The following IFT122 variants were observed in gnomAD, a reference collection of about 807,000 sequenced individuals.
IFT122 encodes intraflagellar transport 122, also known as intraflagellar transport protein 122 homolog.
In IFT122, 118 loss-of-function variants were observed where a neutral mutation model predicts 161.6. The observed-to-expected ratio is 0.73, with a 90% CI of 0.63 to 0.85. The LOEUF is 0.85. Ranked by LOEUF, IFT122 falls within the 40% of genes least tolerant of loss-of-function variation. The pLI, the probability that IFT122 is intolerant of heterozygous loss-of-function variation, is 0.00. For missense variants in IFT122, 1,381 were observed against 1,579.6 expected, an observed-to-expected ratio of 0.87 and a Z score of 2.13; for synonymous variants, 550 against 602.4, an observed-to-expected ratio of 0.91 and a Z score of 1.27.
intron 17 of IFT122, among the ~76,000 whole-genome samples, chr3:129,495,186 A>G (rs569004148): frequency 7.5e-4 from 114 of 152,266 alleles, no homozygotes; most frequent in African/African-American, 2.7e-3. Flanking sequence ...ATACACAGGA[A>G]AGCAACCCTG....
chr3:129,475,621 C>T (rs946036117), intron 9 of IFT122, among the ~76,000 whole-genome samples: 3 of 152,290 alleles, frequency 2.0e-5, no homozygotes, highest in East Asian at 3.9e-4. Context: ...CACTGCACTC[C>T]AGCCTGGGCA....
chr3:129,514,234 T>G, intron 24 of IFT122, 155 bp from the exon 25 acceptor site: 2 of 806,756 alleles, frequency 2.5e-6, no homozygotes, highest in Non-Finnish European at 4.2e-6. Context: ...TACACTCACC[T>G]CTCACAAGCG....
chr3:129,507,173 C>T (rs1559993748), intron 22 of IFT122, among the ~76,000 whole-genome samples: 1 of 152,176 alleles, frequency 6.6e-6, no homozygotes, highest in Non-Finnish European at 1.5e-5. Flanking sequence ...TTGCTGGGAG[C>T]CTCACAGAGT....
chr3:129,507,803 C>G, intron 23 of IFT122, 41 bp downstream of exon 23: 2 of 1,464,718 alleles, frequency 1.4e-6, no homozygotes, highest in Non-Finnish European at 1.9e-6. Context: ...GTACCATCTC[C>G]TGAGCTAGGG....
chr3:129,501,003 C>T (rs2081469067), intron 19 of IFT122, among the ~76,000 whole-genome samples: 1 of 151,848 alleles, frequency 6.6e-6, no homozygotes, highest in African/African-American at 2.4e-5. Context: ...GGTGTTGGGG[C>T]AGTGGTGAGT....
At chr3:129,458,243 G>A (rs946185272) in intron 3 of IFT122, among the ~76,000 whole-genome samples, 35 of 152,228 alleles carry the variant, frequency 2.3e-4, no homozygotes, top group Admixed American at 1.8e-3. Context: ...CATAGGATCC[G>A]TGTCTTACCA....
In IFT122 at chr3:129,515,406, C is replaced by T. The variant is rs1383720869; in HGVS notation, c.3154-82C>T. ...TGGCCTTTCCTCTTGGCAGCCAGGC[C>T]CCAGGGGCCTGAAGCCAGAGTCCAG... On this transcript the variant is annotated intron_variant, in intron 25 of 29. Coordinates refer to ENST00000348417, the MANE Select transcript of IFT122 (RefSeq NM_052989.3). The T allele has an allele frequency of 9.4e-6, 11 of 1,171,814 alleles. No individual in the cohort carries two copies. In the African/African-American group the frequency reaches 1.5e-4, roughly 16 times the overall value. The allele number at this position is 1,171,814 out of a possible 1,614,324, so 72.6% of individuals were successfully genotyped here. A position where few individuals can be genotyped will look rare whatever the true frequency, so the allele number is the denominator to read the frequency against.
chr3:129,507,971 G>A (rs1281692212), intron 23 of IFT122, among the ~76,000 whole-genome samples: 1 of 152,234 alleles, frequency 6.6e-6, no homozygotes, highest in East Asian at 1.9e-4. Flanking sequence ...CTCCTGAATT[G>A]TGATCCAGAG....
At chr3:129,453,547 G>A (rs1288192058) in intron 3 of IFT122, among the ~76,000 whole-genome samples, 2 of 152,202 alleles carry the variant, frequency 1.3e-5, no homozygotes, top group Admixed American at 1.3e-4. Flanking sequence ...CATAGTTGTA[G>A]AGGCAGAAGA....
intron 3 of IFT122, among the ~76,000 whole-genome samples, chr3:129,452,878 A>G (rs2075016104): frequency 2.0e-5 from 3 of 152,172 alleles, no homozygotes; most frequent in Non-Finnish European, 2.9e-5. Context: ...CTGTGGGGGC[A>G]GAGGAGGTGA....
At chr3:129,463,779 T>C (rs2076427252) in intron 6 of IFT122, among the ~76,000 whole-genome samples, 153 bp downstream of exon 6, 1 of 152,234 alleles carries the variant, frequency 6.6e-6, no homozygotes, top group Non-Finnish European at 1.5e-5. Context: ...GTCTCCTCGA[T>C]GGGAAAGACT....
Position 129,451,984 on chromosome 3 carries a change from C to T in IFT122, c.179C>T (p.Ala60Val), listed in dbSNP as rs1200590179. The T allele has an allele frequency of 6.2e-7, 1 of 1,612,974 alleles. No homozygotes were observed. Among genetic ancestry groups the T allele is most frequent in the Admixed American group, 1.7e-5 (1 of 60,020 alleles). ...KGHKDTVYCV[A>V]YAKDGKRFAS... ...CACAAAGACACTGTGTACTGTGTGG[C>T]ATATGCGAAGGATGGTAAAAGGCTG... is the stretch of plus-strand genomic sequence containing the variant. The change falls in exon 3 of 30, where the codon GCA becomes GTA. Residue 60 changes from alanine (A) to valine (V), a missense_variant. Transcript: ENST00000348417.
chr3:129,481,572 C>T lies in IFT122; in HGVS notation c.1531C>T (p.Leu511=), dbSNP rs747022888. ...GGACAATCTCTTTGCTATCGTCCTG[C>T]TGAAGCAGGCCACAGCTGTGCGCTG... is the stretch of plus-strand genomic sequence containing the variant. ...FVDNLFAIVL[L]KQATAVRCLD... The change falls in exon 14 of 30, where the codon CTG becomes TTG. Residue 511 remains leucine (L), a synonymous_variant. Coordinates refer to ENST00000348417, the MANE Select transcript of IFT122 (RefSeq NM_052989.3). 7 of 1,587,098 alleles carry T rather than the reference C, an allele frequency of 4.4e-6. No homozygotes were observed. The highest frequency in any genetic ancestry group is 5.2e-6 in the Non-Finnish European group (6 of 1,155,588).
chr3:129,465,364 A>C (rs192371213), intron 7 of IFT122, among the ~76,000 whole-genome samples: 520 of 152,182 alleles, frequency 3.4e-3, no homozygotes, highest in Non-Finnish European at 5.7e-3. Flanking sequence ...ACGTCCCTAA[A>C]GCCTAGAGAT....
chr3:129,478,986 T>C (rs2078308154), intron 12 of IFT122, among the ~76,000 whole-genome samples: 1 of 152,146 alleles, frequency 6.6e-6, no homozygotes, highest in Non-Finnish European at 1.5e-5. Flanking sequence ...AAGAGAAGTT[T>C]GGAAAGACTT....
intron 1 of IFT122, among the ~76,000 whole-genome samples, chr3:129,444,192 G>A (rs1363725567): frequency 3.9e-5 from 6 of 152,170 alleles, no homozygotes; most frequent in Non-Finnish European, 7.4e-5. Context: ...CTGGCCCCAC[G>A]TCCCCCCTAC....
chr3:129,460,611 T>G (rs1382286203), intron 4 of IFT122, among the ~76,000 whole-genome samples: 2 of 152,176 alleles, frequency 1.3e-5, no homozygotes, highest in Non-Finnish European at 2.9e-5. Flanking sequence ...AGACCACATT[T>G]TCTTTATCCA....
intron 16 of IFT122, among the ~76,000 whole-genome samples, chr3:129,490,015 T>C (rs1299767318): frequency 3.3e-5 from 5 of 151,554 alleles, no homozygotes; most frequent in Non-Finnish European, 5.9e-5. Context: ...TTTTTATAAA[T>C]ATATATATTT....
intron 16 of IFT122, 26 bp from the exon 17 acceptor site, chr3:129,492,115 T>C (rs1434460031): frequency 1.3e-6 from 2 of 1,594,442 alleles, no homozygotes; most frequent in Non-Finnish European, 8.6e-7. Flanking sequence ...AGACAGCTTA[T>C]TTTATTCTTT....
Sources: allele counts gnomAD v4.1 joint callset (sites outside exome capture counted in the v4.1 genomes callset), GRCh38; gene constraint gnomAD v4.1.1; transcripts MANE v1.5; gene names NCBI Gene and HGNC (gene_info 2026-07-23, HGNC 2026-07-21).